SHKBP1: variants seen among roughly 807,000 people sequenced by gnomAD.
SHKBP1 encodes SH3KBP1-binding protein 1.
A neutral mutation model predicts 83.9 loss-of-function variants in SHKBP1; 71 were observed. The ratio of observed to expected loss-of-function variants is 0.85; its 90% CI spans 0.70 to 1.03. The LOEUF is 1.03. SHKBP1 is among the 50% of genes least tolerant of loss of function. The pLI is 0.00. For synonymous variants in SHKBP1, 371 were observed against 398.0 expected, an observed-to-expected ratio of 0.93 and a Z score of 0.81; for missense variants, 824 against 982.4, an observed-to-expected ratio of 0.84 and a Z score of 2.16.
chr19:40,580,047 A>C (rs893412623), intron 6 of SHKBP1: 10 of 277,790 alleles, frequency 3.6e-5, no homozygotes, highest in Admixed American at 1.0e-4. Flanking sequence ...AAAAAAAAAA[A>C]AAAAAAACGG....
intron 4 of SHKBP1, 62 bp downstream of exon 4, chr19:40,577,692 C>T (rs752590632): frequency 6.5e-6 from 10 of 1,546,344 alleles, no homozygotes; most frequent in African/African-American, 2.7e-5. Flanking sequence ...AGTTCTTTCA[C>T]CTCCTCTGAA....
intron 12 of SHKBP1, chr19:40,585,597 G>C (rs999278576): frequency 1.3e-5 from 2 of 148,702 alleles, no homozygotes; most frequent in African/African-American, 5.0e-5. Flanking sequence ...ACCCAGGCTG[G>C]AGTGCAATGG....
chr19:40,579,543 G>A (rs1428477521), intron 6 of SHKBP1, among the ~76,000 whole-genome samples: 2 of 152,018 alleles, frequency 1.3e-5, no homozygotes, highest in Admixed American at 6.6e-5. Flanking sequence ...ATGCACCTGT[G>A]GTCCCAGCTA....
In SHKBP1 at chr19:40,590,329, C is replaced by T. The variant is rs565463587; in HGVS notation, c.1675C>T (p.Arg559Trp). The change falls in exon 16 of 18, where the codon CGG becomes TGG. Residue 559 changes from arginine to tryptophan, a missense_variant. Coordinates refer to ENST00000291842, the MANE Select transcript of SHKBP1 (RefSeq NM_138392.4). This position sits in a 1 kb window ranked among gnomAD's most constrained non-coding sequence, Gnocchi z 4.6. ...ECEGSRRLGS[R>W]PRRYLLTGQA... The stretch of plus-strand genomic sequence containing the variant: ...CGAGGGCTCCCGGCGGCTCGGCTCT[C>T]GGCCCCGGCGCTACCTGCTCACTGG... The T allele has an allele frequency of 9.3e-6, 15 of 1,610,718 alleles. No homozygotes were observed. Among genetic ancestry groups the T allele is most frequent in the Admixed American group, 3.3e-5 (2 of 59,752 alleles).
intron 13 of SHKBP1, among the ~76,000 whole-genome samples, chr19:40,587,427 C>CA (rs1158619561): frequency 1.3e-5 from 2 of 151,094 alleles, no homozygotes; most frequent in Admixed American, 1.3e-4. Context: ...CCACCTCTAC[C>CA]AAAAATATAA....
chr19:40,588,552 G>T, intron 13 of SHKBP1, 72 bp from the exon 14 acceptor site: 1 of 1,591,808 alleles, frequency 6.3e-7, no homozygotes, highest in East Asian at 2.2e-5. Flanking sequence ...GGGCTGTCCT[G>T]AGGCTCTGGA....
Position 40,590,192 on chromosome 19 carries a change from CGAGGAAGGGT to C in SHKBP1, c.1590-48_1590-39del. On this transcript the variant is annotated intron_variant, in intron 15 of 17. Transcript: ENST00000291842. This position sits in a 1 kb window ranked among gnomAD's most constrained non-coding sequence, Gnocchi z 4.6. The stretch of plus-strand genomic sequence containing the variant: ...GCAGCCACAGTGGTGGGGACTGGGA[CGAGGAAGGGT>C]GAGAAAGCGAGGGTGACCACCTCCC... The C allele has an allele frequency of 6.7e-7, 1 of 1,489,560 alleles. No homozygotes were observed. The highest frequency in any genetic ancestry group is 1.3e-5 in the South Asian group (1 of 77,972). The allele number at this position is 1,489,560 out of a possible 1,614,324, so 92.3% of individuals were successfully genotyped here.
chr19:40,577,948 T>TAC (rs58880858), intron 4 of SHKBP1: 27,426 of 563,774 alleles, frequency 0.049, 361 homozygotes, highest in African/African-American at 0.11. Flanking sequence ...GATTTCTCCC[T>TAC]ACACACACAC....
chr19:40,578,356 G>A lies in SHKBP1; in HGVS notation c.320-106G>A, dbSNP rs990717316. 1.4e-5 allele frequency: 20 copies of A among 1,473,064 alleles called. No homozygotes were observed. The African/African-American group carries it at 2.1e-4, about 15-fold the overall frequency. 91.2% of individuals were successfully genotyped at this position (1,473,064 alleles called of 1,614,324 possible). A position where few individuals can be genotyped will look rare whatever the true frequency, so the allele number is the denominator to read the frequency against. On this transcript the variant is annotated intron_variant, in intron 5 of 17. Transcript: ENST00000291842. ...TATGGCCCTGGCCGGGTCTGTATTC[G>A]TACTGGGAGGAGTATTGGTACTCTG...
chr19:40,576,989 AGT>A lies in SHKBP1; in HGVS notation c.86+8_86+9del. On this transcript the variant is annotated splice_donor_5th_base_variant and intron_variant, in intron 1 of 17. Transcript: ENST00000291842. The stretch of plus-strand genomic sequence containing the variant: ...ATCTGAATGTGGGAGGCAAGAGGTG[AGT>A]GTGGGAGACTCCTGAGGTCCCATCC... 6.7e-7 allele frequency: 1 copy of A among 1,503,216 alleles called. No homozygotes were observed. Among genetic ancestry groups the A allele is most frequent in the Non-Finnish European group, 8.9e-7 (1 of 1,124,532 alleles). 93.1% of individuals were successfully genotyped at this position (1,503,216 alleles called of 1,614,324 possible).
At chr19:40,582,524 C>G (rs1350984548) in intron 10 of SHKBP1, 58 bp downstream of exon 10, 27 of 1,470,976 alleles carry the variant, frequency 1.8e-5, no homozygotes, top group Non-Finnish European at 2.2e-5. Context: ...TGTACAGACC[C>G]AGGAAGGGGT....
chr19:40,587,174 G>A (rs1453198368), intron 13 of SHKBP1, among the ~76,000 whole-genome samples: 6 of 152,172 alleles, frequency 3.9e-5, no homozygotes, highest in African/African-American at 7.2e-5. Context: ...ATTCAGCAAC[G>A]ATTTACGGGG....
chr19:40,578,279 C>T, intron 5 of SHKBP1, 67 bp downstream of exon 5: 2 of 1,541,626 alleles, frequency 1.3e-6, no homozygotes, highest in Non-Finnish European at 1.8e-6. Context: ...CTACCTGCCC[C>T]TCTTCCCCTT....
chr19:40,580,695 T>G (rs368720641), intron 8 of SHKBP1, 39 bp downstream of exon 8: 2 of 1,613,628 alleles, frequency 1.2e-6, no homozygotes, highest in Non-Finnish European at 1.7e-6. Context: ...CCAGCCCTGT[T>G]GATGGGAAGG....
Position 40,577,774 on chromosome 19 carries a change from G to C in SHKBP1, c.260+144G>C, listed in dbSNP as rs2081231119. The C allele has an allele frequency of 1.7e-5, 17 of 1,005,212 alleles. No individual in the cohort carries two copies. The South Asian group carries it at 2.2e-4, about 13-fold the overall frequency. 62.3% of individuals were successfully genotyped at this position (1,005,212 alleles called of 1,614,324 possible). ...ATCACAGGCCGGGCGCGCCGGGATT[G>C]CTCACGCCTGTAATCCCAACACTTT... On this transcript the variant is annotated intron_variant, in intron 4 of 17. Coordinates refer to ENST00000291842, the MANE Select transcript of SHKBP1 (RefSeq NM_138392.4).
intron 13 of SHKBP1, among the ~76,000 whole-genome samples, 194 bp from the exon 14 acceptor site, chr19:40,588,430 T>C (rs1304369916): frequency 6.6e-6 from 1 of 152,192 alleles, no homozygotes. Flanking sequence ...GAGATCAGGC[T>C]CTGGAACAGT....
rs57291083 is a variant in SHKBP1 at position 40,579,098 on chromosome 19, C to CATTTATTTATTT, written c.400+570_400+581dup. On this transcript the variant is annotated intron_variant, in intron 6 of 17. Transcript: ENST00000291842. ...TTTATCCTGTTTTCCGAAAAACAAT[C>CATTTATTTATTT]ATTTATTTATTTATTTATTTATTTA... is the stretch of plus-strand genomic sequence containing the variant. Among the ~76,000 whole-genome samples the CATTTATTTATTT allele has an allele frequency of 5.5e-3, 835 of 151,742 alleles. 10 individuals are homozygous for CATTTATTTATTT. Among genetic ancestry groups the CATTTATTTATTT allele is most frequent in the African/African-American group, 0.02 (810 of 41,212 alleles).
rs191057195 is a variant in SHKBP1, at chr19:40,581,352, A to G, written c.844+416A>G. ...AGGGTGAAACCCAGTCTTTATTTCA[A>G]AAATACAAAAAAATTAGCTGGGTGT... On this transcript the variant is annotated intron_variant, in intron 9 of 17. Coordinates refer to ENST00000291842, the MANE Select transcript of SHKBP1 (RefSeq NM_138392.4). 3.3e-3 allele frequency among the ~76,000 whole-genome samples: 501 copies of G among 151,926 alleles called. 1 individual carries two copies. Among genetic ancestry groups the G allele is most frequent in the African/African-American group, 0.012 (478 of 41,446 alleles).
intron 6 of SHKBP1, 83 bp from the exon 7 acceptor site, chr19:40,580,241 C>G: frequency 6.8e-7 from 1 of 1,481,098 alleles, no homozygotes; most frequent in South Asian, 1.3e-5. Flanking sequence ...ATGGGGAAAT[C>G]AATCACCGTC....
Sources: allele counts gnomAD v4.1 joint callset (sites outside exome capture counted in the v4.1 genomes callset), GRCh38; gene constraint gnomAD v4.1.1; non-coding constraint Gnocchi (gnomAD v3.1); transcripts MANE v1.5; gene names NCBI Gene and HGNC (gene_info 2026-07-23, HGNC 2026-07-21).